The following PRKCQ variants were observed in gnomAD, a reference collection of about 807,000 sequenced individuals.
PRKCQ encodes protein kinase C theta type.
Under a neutral mutation model 91.2 loss-of-function variants are expected in PRKCQ, and 41 were observed. The observed-to-expected ratio is 0.45, with a 90% confidence interval of 0.35 to 0.58. PRKCQ has a LOEUF of 0.58. Among genes scored for constraint, PRKCQ ranks in the 20% least tolerant of loss-of-function variants. PRKCQ has a pLI of 0.00. For synonymous variants in PRKCQ, 307 were observed against 316.9 expected (o/e 0.97, Z 0.33); for missense variants, 673 against 896.5 (o/e 0.75, Z 3.18).
At chr10:6,519,816 T>G (rs1036604766) in intron 1 of PRKCQ, among the ~76,000 whole-genome samples, 1 of 152,308 alleles carries the variant, frequency 6.6e-6, no homozygotes, top group South Asian at 2.1e-4. Flanking sequence ...TAAATATGTA[T>G]AGATTTTTCC....
intron 1 of PRKCQ, among the ~76,000 whole-genome samples, chr10:6,549,220 G>C (rs887868437): frequency 1.8e-4 from 28 of 152,126 alleles, no homozygotes; most frequent in African/African-American, 6.5e-4. Flanking sequence ...CAAGTGCCCT[G>C]GGTTGGCTTC....
At chr10:6,487,996 CTG>C (rs1312979758) in intron 8 of PRKCQ, among the ~76,000 whole-genome samples, 2 of 115,466 alleles carry the variant, frequency 1.7e-5, no homozygotes, top group African/African-American at 3.2e-5. Context: ...CAGAGCGAGA[CTG>C]TGTCTCAAAA....
intron 11 of PRKCQ, among the ~76,000 whole-genome samples, chr10:6,481,640 A>G (rs191620283): frequency 6.6e-6 from 1 of 152,358 alleles, no homozygotes; most frequent in East Asian, 1.9e-4. Flanking sequence ...ATGGAGCTCA[A>G]TATTATTCAG....
At chr10:6,510,195 ATTTTC>A (rs1838400896) in intron 3 of PRKCQ, among the ~76,000 whole-genome samples, 1 of 152,074 alleles carries the variant, frequency 6.6e-6, no homozygotes, top group African/African-American at 2.4e-5. Context: ...TTACTGATAT[ATTTTC>A]TTTTATTTTG....
chr10:6,413,109 C>T, the PRKCQ span, among the ~76,000 whole-genome samples: 8 of 152,190 alleles, frequency 5.3e-5, no homozygotes, highest in South Asian at 4.2e-4. Flanking sequence ...CCCGCCACCA[C>T]GCCCGGCTAA....
chr10:6,450,762 A>T (rs1004854803), intron 15 of PRKCQ, among the ~76,000 whole-genome samples: 18 of 152,210 alleles, frequency 1.2e-4, no homozygotes, highest in Admixed American at 8.5e-4. Flanking sequence ...AGAACTCAGG[A>T]TTAAGAAACT....
intron 15 of PRKCQ, among the ~76,000 whole-genome samples, chr10:6,444,710 A>T (rs1834158970): frequency 2.2e-3 from 1 of 454 alleles, no homozygotes; most frequent in Non-Finnish European, 0.01. Flanking sequence ...ACATAAATAC[A>T]CACACACACA....
chr10:6,415,521 T>C, the PRKCQ span, among the ~76,000 whole-genome samples: 3 of 148,218 alleles, frequency 2.0e-5, no homozygotes, highest in African/African-American at 7.5e-5. Context: ...AACTTTCTAA[T>C]TTAGCTTAAG....
intron 10 of PRKCQ, among the ~76,000 whole-genome samples, chr10:6,484,909 C>CT (rs1278784987): frequency 1.3e-5 from 2 of 152,176 alleles, no homozygotes; most frequent in African/African-American, 2.4e-5. Context: ...TGCTGAAACT[C>CT]TAAGAAAACA....
chr10:6,546,866 G>T (rs974561100), intron 1 of PRKCQ, among the ~76,000 whole-genome samples: 2 of 152,134 alleles, frequency 1.3e-5, no homozygotes, highest in African/African-American at 4.8e-5. Flanking sequence ...TTGGCTGTGG[G>T]TCTGTCATAG....
rs953204002 is a variant in PRKCQ, at chr10:6,576,026, G to A, written c.-10+4185C>T. Among the ~76,000 whole-genome samples, 1 of 152,142 alleles carries A rather than the reference G, an allele frequency of 6.6e-6. No homozygotes were observed. Among genetic ancestry groups the A allele is most frequent in the Non-Finnish European group, 1.5e-5 (1 of 68,026 alleles). The stretch of plus-strand genomic sequence containing the variant: ...CTGCACTCCAGCCTGGCGACACAGC[G>A]AGACTCCATCTCAAAAAACACAAAA... On this transcript the variant is annotated intron_variant, in intron 1 of 17. Coordinates refer to ENST00000263125, the MANE Select transcript of PRKCQ (RefSeq NM_006257.5). The surrounding 1 kb of genome is among the most constrained non-coding windows in gnomAD (Gnocchi z 4.2).
chr10:6,504,036 C>A (rs1564358846), intron 4 of PRKCQ, among the ~76,000 whole-genome samples: 1 of 152,174 alleles, frequency 6.6e-6, no homozygotes. Context: ...CCTTGGCCCC[C>A]AAAGTGCTGG....
chr10:6,579,196 C>CA (rs1182615144), intron 1 of PRKCQ, among the ~76,000 whole-genome samples: 1 of 152,196 alleles, frequency 6.6e-6, no homozygotes, highest in Non-Finnish European at 1.5e-5. Flanking sequence ...GGTGTGCTCT[C>CA]AAAGGGCAAC....
intron 1 of PRKCQ, among the ~76,000 whole-genome samples, chr10:6,572,706 T>TAC (rs1179706116): frequency 1.3e-5 from 2 of 152,210 alleles, no homozygotes; most frequent in African/African-American, 2.4e-5. Flanking sequence ...TGTGCATGTA[T>TAC]CTTTATAACA....
chr10:6,469,729 G>T (rs1319104020), intron 12 of PRKCQ, among the ~76,000 whole-genome samples: 2 of 152,068 alleles, frequency 1.3e-5, no homozygotes, highest in Non-Finnish European at 2.9e-5. Flanking sequence ...GAGGGGATCT[G>T]ACTTGATAAC....
chr10:6,579,512 TC>T (rs1841373419), intron 1 of PRKCQ, among the ~76,000 whole-genome samples: 2 of 152,198 alleles, frequency 1.3e-5, no homozygotes, highest in African/African-American at 2.4e-5. Context: ...ACAGTCACTC[TC>T]CCATTGATAA....
chr10:6,550,855 C>T (rs756897306), intron 1 of PRKCQ, among the ~76,000 whole-genome samples: 3 of 152,234 alleles, frequency 2.0e-5, no homozygotes, highest in African/African-American at 2.4e-5. Flanking sequence ...CAACTCTCCA[C>T]GTCTTCACCA....
chr10:6,462,232 G>C (rs1835389888), intron 14 of PRKCQ, 71 bp downstream of exon 14: 1 of 1,399,852 alleles, frequency 7.1e-7, no homozygotes, highest in African/African-American at 1.4e-5. Context: ...ACAGCACTCG[G>C]TGCAATGATT....
chr10:6,551,331 G>A (rs900971344), intron 1 of PRKCQ, among the ~76,000 whole-genome samples: 4 of 151,614 alleles, frequency 2.6e-5, no homozygotes, highest in African/African-American at 9.7e-5. Context: ...AAAAGTCCTG[G>A]TCTCATGCAT....
Sources: allele counts gnomAD v4.1 joint callset (sites outside exome capture counted in the v4.1 genomes callset), GRCh38; gene constraint gnomAD v4.1.1; non-coding constraint Gnocchi (gnomAD v3.1); transcripts MANE v1.5; gene names NCBI Gene and HGNC (gene_info 2026-07-23, HGNC 2026-07-21).